The following BRPF3 variants were observed in gnomAD, a reference collection of about 807,000 sequenced individuals.
The protein encoded by BRPF3 is bromodomain and PHD finger containing 3.
BRPF3 carries 18 observed loss-of-function variants against 102.0 expected under a neutral mutation model. That is an observed-to-expected ratio of 0.18 (90% confidence interval 0.12 to 0.26). The LOEUF (loss-of-function observed/expected upper bound fraction) is 0.26, where lower values mean the gene tolerates loss of function less well. BRPF3 is among the 10% of genes least tolerant of loss of function. The probability of loss-of-function intolerance (pLI) is 1.00; values close to 1 mark genes in which losing one functional copy is unlikely to be tolerated. For missense variants in BRPF3, 1,147 were observed against 1,567.8 expected, an observed-to-expected ratio of 0.73 and a Z score of 4.53; for synonymous variants, 570 against 614.2, an observed-to-expected ratio of 0.93 and a Z score of 1.06.
At chr6:36,202,410 A>ACCCCCCCCC (rs773009912) in intron 2 of BRPF3, among the ~76,000 whole-genome samples, 13 of 102,238 alleles carry the variant, frequency 1.3e-4, no homozygotes, top group South Asian at 3.6e-4. Flanking sequence ...AGCTCTGTGG[A>ACCCCCCCCC]CCCCCCCCCC....
At chr6:36,219,348 A>G (rs534668599) in intron 9 of BRPF3, among the ~76,000 whole-genome samples, 1 of 152,318 alleles carries the variant, frequency 6.6e-6, no homozygotes, top group Non-Finnish European at 1.5e-5. Context: ...GGCACAGGAA[A>G]GAGAAAGATT....
Position 36,204,714 on chromosome 6 carries a change from G to A in BRPF3, c.1505G>A (p.Arg502Gln), listed in dbSNP as rs750742278. 2.0e-5 allele frequency: 33 copies of A among 1,614,046 alleles called. No homozygotes were observed. The highest frequency in any genetic ancestry group is 7.7e-5 in the South Asian group (7 of 91,094). Residue 502 changes from arginine (R) to glutamine (Q), a missense_variant, in exon 3 of 13, where the codon CGG becomes CAG. This residue lies in a region of BRPF3 where 10 missense variants were observed against 30.8 expected (regional missense o/e 0.33). Coordinates refer to ENST00000357641, the MANE Select transcript of BRPF3 (RefSeq NM_015695.3). ...CAGAGGAAAAACCAGTTTATGCAGC[G>A]GCTTCACAATTATTGGCTGTTGAAG... The part of the protein sequence containing the change: ...SFQRKNQFMQ[R>Q]LHNYWLLKRQ...
At chr6:36,209,657 A>G in intron 4 of BRPF3, 130 bp from the exon 5 acceptor site, 12 of 1,169,516 alleles carry the variant, frequency 1.0e-5, no homozygotes, top group Admixed American at 5.6e-5. Flanking sequence ...AGCTTCTCAT[A>G]TACTGGTCAG....
In BRPF3 at chr6:36,207,392, C is replaced by G; in HGVS notation, c.1685C>G (p.Ala562Gly). 1 of 1,614,038 alleles carries G rather than the reference C, an allele frequency of 6.2e-7. No individual in the cohort carries two copies. Among genetic ancestry groups the G allele is most frequent in the African/African-American group, 1.3e-5 (1 of 75,004 alleles). The stretch of plus-strand genomic sequence containing the variant: ...AAGCTCCGGCATGACTTGGAGCGGG[C>G]GCGGCTGCTGATTGAGCTGATTCGG... ...WQKLRHDLER[A>G]RLLIELIRKR... The change falls in exon 4 of 13, where the codon GCG becomes GGG. Residue 562 changes from alanine to glycine, a missense_variant. By Grantham distance (60) the Ala-to-Gly change is moderately conservative. Transcript: ENST00000357641.
Position 36,230,386 on chromosome 6 carries a change from A to AC in BRPF3, c.3435-37dup. ...CACAGGAGCCCGAGCCCCCTGTGAG[A>AC]CCCACTACTGCCCAGCCTCTTACTG... On this transcript the variant is annotated intron_variant, in intron 12 of 12. Coordinates refer to ENST00000357641, the MANE Select transcript of BRPF3 (RefSeq NM_015695.3). This position sits in a 1 kb window ranked among gnomAD's most constrained non-coding sequence, Gnocchi z 5.4. 6.2e-7 allele frequency: 1 copy of AC among 1,600,912 alleles called. No homozygotes were observed. The highest frequency in any genetic ancestry group is 8.5e-7 in the Non-Finnish European group (1 of 1,170,994).
chr6:36,206,715 C>G (rs1415438227), intron 3 of BRPF3, among the ~76,000 whole-genome samples: 4 of 152,208 alleles, frequency 2.6e-5, no homozygotes, highest in Non-Finnish European at 5.9e-5. Flanking sequence ...CACCAGGAAG[C>G]TTCTCTGATC....
chr6:36,229,168 C>G, intron 12 of BRPF3, 112 bp downstream of exon 12: 1 of 1,358,984 alleles, frequency 7.4e-7, no homozygotes, highest in African/African-American at 1.4e-5. Context: ...TTACCCTGGT[C>G]TCCACTTGCC....
chr6:36,211,057 G>A (rs939231811), intron 6 of BRPF3: 5 of 623,758 alleles, frequency 8.0e-6, no homozygotes, highest in African/African-American at 5.5e-5. Context: ...TCCTGCAGAC[G>A]TTTCCCAGAT....
At chr6:36,197,946 G>C (rs1350995824) in intron 1 of BRPF3, among the ~76,000 whole-genome samples, 2 of 152,106 alleles carry the variant, frequency 1.3e-5, no homozygotes, top group African/African-American at 4.8e-5. Context: ...CGGCTTTCAT[G>C]AAAGTGGGCG....
intron 11 of BRPF3, among the ~76,000 whole-genome samples, chr6:36,227,529 A>G (rs1050840312): frequency 6.6e-6 from 1 of 152,214 alleles, no homozygotes; most frequent in Non-Finnish European, 1.5e-5. Flanking sequence ...CAGTTGGCAG[A>G]CTTACCCACC....
chr6:36,224,448 C>G (rs1228853982), intron 10 of BRPF3, among the ~76,000 whole-genome samples: 2 of 152,162 alleles, frequency 1.3e-5, no homozygotes, highest in African/African-American at 4.8e-5. Context: ...GCAGTGCCTG[C>G]TCCAGGGATA....
chr6:36,230,730 T>A lies in BRPF3; in HGVS notation c.*121T>A. The A allele has an allele frequency of 7.9e-7, 1 of 1,269,582 alleles. No individual in the cohort carries two copies. The highest frequency in any genetic ancestry group is 1.1e-6 in the Non-Finnish European group (1 of 929,600). The allele number at this position is 1,269,582 out of a possible 1,614,324, so 78.6% of individuals were successfully genotyped here. On this transcript the variant is annotated 3_prime_UTR_variant, in exon 13 of 13. Transcript: ENST00000357641. This position sits in a 1 kb window ranked among gnomAD's most constrained non-coding sequence, Gnocchi z 5.4. ...CCCCCTCTCATGGTAGGCCAGGGACTGGGCTTTCTCCCCACTAAGGGCAAG... is the reference window on the plus strand; with the variant it reads ...CCCCCTCTCATGGTAGGCCAGGGACAGGGCTTTCTCCCCACTAAGGGCAAG...
intron 6 of BRPF3, 178 bp from the exon 7 acceptor site, chr6:36,211,080 C>T (rs1768088134): frequency 1.0e-5 from 7 of 678,054 alleles, no homozygotes; most frequent in Non-Finnish European, 1.7e-5. Context: ...TGACCTTGCC[C>T]CTGTGGCTGC....
chr6:36,199,264 G>A (rs555926848), intron 1 of BRPF3, among the ~76,000 whole-genome samples: 2 of 152,312 alleles, frequency 1.3e-5, no homozygotes, highest in African/African-American at 4.8e-5. Flanking sequence ...TGTGAACTGC[G>A]CATGTGAGGG....
intron 2 of BRPF3, among the ~76,000 whole-genome samples, chr6:36,202,410 A>ACCCCCCCCCC (rs773009912): frequency 4.0e-4 from 41 of 102,242 alleles, no homozygotes; most frequent in Non-Finnish European, 5.7e-4. Context: ...AGCTCTGTGG[A>ACCCCCCCCCC]CCCCCCCCCC....
At chr6:36,211,611 A>G (rs1768117202) in intron 7 of BRPF3, 51 bp downstream of exon 7, 17 of 1,526,678 alleles carry the variant, frequency 1.1e-5, no homozygotes, top group Non-Finnish European at 1.5e-5. Context: ...AGAGGGACAA[A>G]GGCTAAGCTG....
chr6:36,200,368 C>T lies in BRPF3; in HGVS notation c.46C>T (p.Arg16Cys), dbSNP rs776470804. The change falls in exon 2 of 13, where the codon CGT (arginine) becomes TGT (cysteine). Residue 16 changes from arginine (R) to cysteine (C), a missense_variant. Physicochemically the swap from Arg to Cys is radical, Grantham distance 180. This residue lies in a region of BRPF3 where 38 missense variants were observed against 34.3 expected (regional missense o/e 1.11). Coordinates refer to ENST00000357641, the MANE Select transcript of BRPF3 (RefSeq NM_015695.3). The surrounding 1 kb of genome is among the most constrained non-coding windows in gnomAD (Gnocchi z 5.3). ...RKSRQNAEGRRSPSPYSLKCS... is the reference protein window; with the variant it reads ...RKSRQNAEGRCSPSPYSLKCS... The stretch of plus-strand genomic sequence containing the variant: ...GTCCCGGCAGAATGCCGAGGGCCGG[C>T]GTTCCCCGTCCCCCTACAGTCTCAA... The T allele has an allele frequency of 8.1e-6, 13 of 1,614,060 alleles. No individual in the cohort carries two copies. Among genetic ancestry groups the T allele is most frequent in the African/African-American group, 4.0e-5 (3 of 74,946 alleles).
At chr6:36,215,348 G>A (rs753133822) in intron 8 of BRPF3, among the ~76,000 whole-genome samples, 6 of 152,112 alleles carry the variant, frequency 3.9e-5, no homozygotes, top group Non-Finnish European at 8.8e-5. Context: ...GACCTCAAGT[G>A]ATTTGCCCGC....
chr6:36,222,297 G>A, intron 10 of BRPF3, 32 bp downstream of exon 10: 3 of 1,541,848 alleles, frequency 1.9e-6, no homozygotes, highest in Non-Finnish European at 1.8e-6. Flanking sequence ...GAACTGAGGG[G>A]GCCAGGCCTT....
Sources: gnomAD v4.1 joint callset for allele counts (sites outside exome capture counted in the v4.1 genomes callset) on GRCh38, gnomAD v4.1.1 for gene constraint, gnomAD v4.1.1 regional missense constraint, Gnocchi (gnomAD v3.1) non-coding constraint, MANE v1.5 for transcripts, NCBI Gene and HGNC (gene_info 2026-07-23, HGNC 2026-07-21) for gene names.